TJP2: variants seen among roughly 807,000 people sequenced by gnomAD.
The protein encoded by TJP2 is Friedreich ataxia region gene X104 (tight junction protein ZO-2).
TJP2 carries 91 observed loss-of-function variants against 133.1 expected under a neutral mutation model. The observed-to-expected ratio is 0.68, with a 90% CI of 0.58 to 0.81. The LOEUF (loss-of-function observed/expected upper bound fraction) is 0.81, where lower values mean the gene tolerates loss of function less well. TJP2 is among the 40% of genes least tolerant of loss of function. The pLI, the probability that TJP2 is intolerant of heterozygous loss-of-function variation, is 0.00. For missense variants in TJP2, 1,541 were observed against 1,565.6 expected, an observed-to-expected ratio of 0.98 and a Z score of 0.26; for synonymous variants, 592 against 583.4, an observed-to-expected ratio of 1.01 and a Z score of -0.21.
intron 1 of TJP2, among the ~76,000 whole-genome samples, chr9:69,202,403 C>T (rs1243600825): frequency 6.6e-6 from 1 of 152,142 alleles, no homozygotes; most frequent in Non-Finnish European, 1.5e-5. Context: ...CACATACATT[C>T]AAACCTTAGC....
chr9:69,182,650 G>A (rs1825592965), intron 1 of TJP2, among the ~76,000 whole-genome samples: 1 of 152,102 alleles, frequency 6.6e-6, no homozygotes, highest in Non-Finnish European at 1.5e-5. Context: ...TTTTCCTGTA[G>A]AAGCAGTGGC....
chr9:69,151,982 A>G (rs747381579), intron 2 of TJP2, among the ~76,000 whole-genome samples: 1 of 152,264 alleles, frequency 6.6e-6, no homozygotes, highest in Non-Finnish European at 1.5e-5. Flanking sequence ...ATTGATAGGT[A>G]TAACTTTGCC....
intron 1 of TJP2, among the ~76,000 whole-genome samples, chr9:69,134,892 C>T (rs1822656404): frequency 6.6e-6 from 1 of 151,784 alleles, no homozygotes; most frequent in South Asian, 2.1e-4. Context: ...GCTGTATGCT[C>T]ACATGGCCTT....
intron 2 of TJP2, among the ~76,000 whole-genome samples, chr9:69,152,805 C>G (rs1375644293): frequency 1.9e-5 from 2 of 107,354 alleles, no homozygotes; most frequent in Admixed American, 9.7e-5. Flanking sequence ...CTGAAATGTT[C>G]TCTCTGGAGC....
intron 4 of TJP2, among the ~76,000 whole-genome samples, chr9:69,220,458 A>G (rs1047019259): frequency 1.3e-5 from 2 of 152,224 alleles, no homozygotes; most frequent in African/African-American, 4.8e-5. Flanking sequence ...CACCCTACCG[A>G]TCTAACATTA....
At chr9:69,225,478 C>T in intron 6 of TJP2, 71 bp downstream of exon 6, 2 of 1,013,918 alleles carry the variant, frequency 2.0e-6, no homozygotes, top group Non-Finnish European at 1.5e-6. Flanking sequence ...ACATTCAGCA[C>T]CCACACAGTG....
chr9:69,160,384 C>A (rs527517570), intron 2 of TJP2, among the ~76,000 whole-genome samples: 3 of 152,332 alleles, frequency 2.0e-5, no homozygotes, highest in South Asian at 4.1e-4. Context: ...TTTAACCTGG[C>A]CTTCAGATCC....
chr9:69,237,940 G>A lies in TJP2; in HGVS notation c.2242G>A (p.Ala748Thr), dbSNP rs1588135300. The stretch of plus-strand genomic sequence containing the variant: ...AGCTGATATAGCAATGGAAAAATTG[G>A]CTAATGAGTTACCTGACTGGTTTCA... The part of the protein sequence containing the change: ...PIADIAMEKL[A>T]NELPDWFQTA... The change falls in exon 15 of 23, where the codon GCT (alanine) becomes ACT (threonine). Residue 748 changes from alanine to threonine, a missense_variant. Coordinates refer to ENST00000377245, the MANE Select transcript of TJP2 (RefSeq NM_004817.4). 11 of 1,613,788 alleles carry A rather than the reference G, an allele frequency of 6.8e-6. No homozygotes were observed. Among genetic ancestry groups the A allele is most frequent in the Non-Finnish European group, 8.5e-6 (10 of 1,179,808 alleles).
In TJP2 at chr9:69,230,116, G is replaced by A; in HGVS notation, c.1555G>A (p.Asp519Asn). The change falls in exon 11 of 23, where the codon GAC becomes AAC. Residue 519 changes from aspartate (D) to asparagine (N), a missense_variant. Physicochemically the swap from Asp to Asn is conservative, Grantham distance 23. Coordinates refer to ENST00000377245, the MANE Select transcript of TJP2 (RefSeq NM_004817.4). ...NTKMVRFKKG[D>N]SVGLRLAGGN... is the part of the protein sequence containing the mutation. ...CAAAATGGTAAGGTTCAAGAAGGGA[G>A]ACAGCGTGGGCCTCCGGTTGGCTGG... The A allele has an allele frequency of 2.5e-6, 4 of 1,614,188 alleles. No homozygotes were observed. The highest frequency in any genetic ancestry group is 3.4e-6 in the Non-Finnish European group (4 of 1,180,036).
intron 1 of TJP2, 45 bp downstream of exon 1, chr9:69,174,477 C>T: frequency 6.5e-7 from 1 of 1,534,328 alleles, no homozygotes; most frequent in Non-Finnish European, 8.8e-7. Flanking sequence ...GGGTCGTGAG[C>T]GTGAGCGTGG....
intron 1 of TJP2, among the ~76,000 whole-genome samples, chr9:69,210,659 C>T (rs1445030051): frequency 2.0e-5 from 3 of 152,020 alleles, no homozygotes; most frequent in Non-Finnish European, 4.4e-5. Context: ...GTCCCTGGCA[C>T]CCCAGGCCCC....
At chr9:69,238,884 T>A in intron 16 of TJP2, 95 bp downstream of exon 16, 1 of 1,086,580 alleles carries the variant, frequency 9.2e-7, no homozygotes. Context: ...TTTTAATCAT[T>A]AAATGTTAAT....
At chr9:69,247,707 C>T (rs1353379757) in intron 18 of TJP2, among the ~76,000 whole-genome samples, 4 of 152,092 alleles carry the variant, frequency 2.6e-5, no homozygotes, top group Non-Finnish European at 5.9e-5. Flanking sequence ...GAACAGGCTG[C>T]AGAGGAGCTG....
In TJP2 at chr9:69,210,299, C is replaced by CCAA. The variant is rs377382335; in HGVS notation, c.61-2249_61-2248insCAA. ...GTGAGACCCCGTCCCCCCCCCCCCCCAAAAAAAAAAAAAGTAGCAGCAGTC... is the reference window on the plus strand; with the variant it reads ...GTGAGACCCCGTCCCCCCCCCCCCCCCAAAAAAAAAAAAAAAGTAGCAGCAGTC... On this transcript the variant is annotated intron_variant, in intron 1 of 22. Coordinates refer to ENST00000377245, the MANE Select transcript of TJP2 (RefSeq NM_004817.4). Among the ~76,000 whole-genome samples the CCAA allele has an allele frequency of 2.3e-3, 65 of 28,650 alleles. 1 individual carries two copies. The highest frequency in any genetic ancestry group is 0.015 in the East Asian group (9 of 610). 18.8% of individuals were successfully genotyped at this position (28,650 alleles called of 152,430 possible).
At chr9:69,144,223 TTC>T (rs1288765596) in intron 1 of TJP2, among the ~76,000 whole-genome samples, 3 of 152,148 alleles carry the variant, frequency 2.0e-5, no homozygotes, top group Non-Finnish European at 4.4e-5. Flanking sequence ...GCATAATACT[TTC>T]TTCCCACATC....
At chr9:69,210,174 A>G (rs903334915) in intron 1 of TJP2, among the ~76,000 whole-genome samples, 5 of 151,398 alleles carry the variant, frequency 3.3e-5, no homozygotes, top group African/African-American at 1.2e-4. Context: ...CTGTAATCCC[A>G]GCTACTCGGG....
upstream of TJP2, among the ~76,000 whole-genome samples, chr9:69,170,898 C>T (rs764281239): frequency 1.4e-4 from 22 of 152,146 alleles, no homozygotes; most frequent in Non-Finnish European, 2.8e-4. Flanking sequence ...GTGGGATTGT[C>T]CCCTCCCAAG....
intron 1 of TJP2, among the ~76,000 whole-genome samples, chr9:69,197,116 C>T (rs919663165): frequency 2.0e-5 from 3 of 152,014 alleles, no homozygotes; most frequent in African/African-American, 7.2e-5. Flanking sequence ...TTACAAGTGC[C>T]ACCACACCTG....
chr9:69,150,762 G>A (rs1039308310), intron 1 of TJP2, among the ~76,000 whole-genome samples: 1 of 152,102 alleles, frequency 6.6e-6, no homozygotes, highest in African/African-American at 2.4e-5. Context: ...TGAAAACAGG[G>A]GCAGCAATTC....
Sources: allele counts gnomAD v4.1 joint callset (sites outside exome capture counted in the v4.1 genomes callset), GRCh38; gene constraint gnomAD v4.1.1; transcripts MANE v1.5; gene names NCBI Gene and HGNC (gene_info 2026-07-23, HGNC 2026-07-21).